TRA2B: variants seen among roughly 807,000 people sequenced by gnomAD.
TRA2B encodes transformer 2 beta homolog.
In TRA2B, 14 loss-of-function variants were observed where a neutral mutation model predicts 41.7. The observed-to-expected ratio is 0.34, with a 90% confidence interval of 0.22 to 0.53. The LOEUF (loss-of-function observed/expected upper bound fraction) is 0.53. Among genes scored for constraint, TRA2B ranks in the 20% least tolerant of loss-of-function variants. The pLI is 0.95. For missense variants in TRA2B, 167 were observed against 396.8 expected, an observed-to-expected ratio of 0.42 and a Z score of 4.92; for synonymous variants, 130 against 128.8, an observed-to-expected ratio of 1.01 and a Z score of -0.06.
chr3:185,926,637 C>G lies in TRA2B; in HGVS notation c.134G>C (p.Arg45Pro). 1.2e-6 allele frequency: 2 copies of G among 1,614,126 alleles called. No individual in the cohort carries two copies. Among genetic ancestry groups the G allele is most frequent in the Non-Finnish European group, 1.7e-6 (2 of 1,180,014 alleles). The change falls in exon 2 of 9, where the codon CGT becomes CCT. Residue 45 changes from arginine to proline, a missense_variant. Around this residue, in one of 5 missense-constraint regions of TRA2B, gnomAD observed 94 missense variants for 133.4 expected, o/e 0.70. Transcript: ENST00000453386. ...ARSRSKEDSR[R>P]SRSKSRSRSE... is the part of the protein sequence containing the mutation. ...TCGGGACCTGGACTTTGATCTGGAA[C>G]GCCTGGAATCTTCCTTGGAGCGAGA...
chr3:185,935,637 T>C, intron 1 of TRA2B: 2 of 985,310 alleles, frequency 2.0e-6, no homozygotes, highest in Non-Finnish European at 2.4e-6. Flanking sequence ...AAGCCTGGAG[T>C]TGAATAACAC....
chr3:185,936,742 T>C, intron 1 of TRA2B: 2 of 985,326 alleles, frequency 2.0e-6, no homozygotes, highest in Non-Finnish European at 2.4e-6. Context: ...ATGGTGCTTT[T>C]CTATCACCCT....
intron 1 of TRA2B, among the ~76,000 whole-genome samples, chr3:185,930,900 T>C (rs544811184): frequency 6.6e-5 from 10 of 152,338 alleles, no homozygotes; most frequent in African/African-American, 2.4e-4. Flanking sequence ...GACCCACCTC[T>C]TCTAAGGGGA....
intron 1 of TRA2B, chr3:185,936,076 T>C (rs980666033): frequency 4.1e-5 from 40 of 985,290 alleles, no homozygotes; most frequent in African/African-American, 5.2e-5. Flanking sequence ...ACGTAAAATA[T>C]ACTAATGAAC....
intron 1 of TRA2B, chr3:185,934,752 G>GA (rs1364773677): frequency 2.0e-6 from 2 of 985,296 alleles, no homozygotes; most frequent in Non-Finnish European, 2.4e-6. Flanking sequence ...AGATTCAGCA[G>GA]AAGATGAGAA....
chr3:185,921,050 G>A (rs1743715121), intron 6 of TRA2B, 54 bp downstream of exon 6: 1 of 1,463,318 alleles, frequency 6.8e-7, no homozygotes, highest in Non-Finnish European at 9.6e-7. Context: ...GCATAGTGCT[G>A]CTCTGTACAC....
intron 1 of TRA2B, chr3:185,937,534 GC>G (rs1310450047): frequency 1.3e-5 from 13 of 994,400 alleles, no homozygotes; most frequent in Non-Finnish European, 1.7e-5. Context: ...CCCCAACACC[GC>G]GGGGACGCAG....
intron 1 of TRA2B, chr3:185,935,689 C>T (rs1021742373): frequency 1.0e-6 from 1 of 985,324 alleles, no homozygotes; most frequent in East Asian, 1.1e-4. Flanking sequence ...ACACCACAGG[C>T]ATGTCTAAGA....
intron 1 of TRA2B, chr3:185,935,584 C>T (rs1433391077): frequency 1.0e-6 from 1 of 985,400 alleles, no homozygotes. Flanking sequence ...GAGAATTCCA[C>T]TGATTTGAAG....
chr3:185,931,302 A>G (rs1389764153), intron 1 of TRA2B, among the ~76,000 whole-genome samples: 1 of 152,214 alleles, frequency 6.6e-6, no homozygotes, highest in African/African-American at 2.4e-5. Context: ...CAGGACCAGC[A>G]ACATTAGACA....
chr3:185,917,975 T>C (rs1373847033), intron 8 of TRA2B, among the ~76,000 whole-genome samples: 1 of 152,198 alleles, frequency 6.6e-6, no homozygotes, highest in Non-Finnish European at 1.5e-5. Flanking sequence ...TCCATGTTTC[T>C]GTGCTGTCCA....
Position 185,934,488 on chromosome 3 carries a change from C to G in TRA2B, c.36+3337G>C, listed in dbSNP as rs1221289903. 45 of 985,252 alleles carry G rather than the reference C, an allele frequency of 4.6e-5. No individual in the cohort carries two copies. In the South Asian group the frequency reaches 7.0e-4, roughly 15 times the overall value. The allele number at this position is 985,252 out of a possible 1,614,324, so 61.0% of individuals were successfully genotyped here. On this transcript the variant is annotated intron_variant, in intron 1 of 8. Coordinates refer to ENST00000453386, the MANE Select transcript of TRA2B (RefSeq NM_004593.3). ...GTCACGTTCTAGTTCCAGACAATAT[C>G]CACAATATTAAAGCATTCTTGTTTA...
chr3:185,918,457 A>T lies in TRA2B; in HGVS notation c.783-19T>A. 1 of 1,580,578 alleles carries T rather than the reference A, an allele frequency of 6.3e-7. No individual in the cohort carries two copies. The highest frequency in any genetic ancestry group is 8.7e-7 in the Non-Finnish European group (1 of 1,150,068). On this transcript the variant is annotated intron_variant, in intron 7 of 8. Coordinates refer to ENST00000453386, the MANE Select transcript of TRA2B (RefSeq NM_004593.3). ...CCGCCTTCTATAAACAAATGTCAAG[A>T]TTGTCTAAGTCTCAATAGATCACAA... is the stretch of plus-strand genomic sequence containing the variant.
intron 6 of TRA2B, among the ~76,000 whole-genome samples, 164 bp from the exon 7 acceptor site, chr3:185,919,660 T>C (rs924977020): frequency 6.6e-6 from 1 of 152,210 alleles, no homozygotes; most frequent in Non-Finnish European, 1.5e-5. Context: ...GGGTTCTCTC[T>C]GGTGGCTGAA....
chr3:185,937,053 C>A (rs1268352073), intron 1 of TRA2B: 1 of 985,286 alleles, frequency 1.0e-6, no homozygotes, highest in African/African-American at 1.7e-5. Context: ...CGTGGAAATG[C>A]GATGTCCACA....
intron 7 of TRA2B, among the ~76,000 whole-genome samples, chr3:185,918,654 G>T (rs1286347063): frequency 6.6e-6 from 1 of 152,176 alleles, no homozygotes; most frequent in Non-Finnish European, 1.5e-5. Context: ...AATAATCCTT[G>T]CTATATTTTA....
intron 1 of TRA2B, chr3:185,927,649 A>T (rs1402246839): frequency 6.6e-6 from 1 of 152,240 alleles, no homozygotes; most frequent in African/African-American, 2.4e-5. Flanking sequence ...TAGCTTTCCC[A>T]ACCAAAACTG....
chr3:185,921,083 CCTTT>C lies in TRA2B; in HGVS notation c.722+17_722+20del, dbSNP rs1370452550. ...CACTGTACTGAGATTCAGACGTTGA[CCTTT>C]CTACCTCATAACTTACCTGTATGAT... On this transcript the variant is annotated intron_variant, in intron 6 of 8. Transcript: ENST00000453386. 13 of 1,607,122 alleles carry C rather than the reference CCTTT, an allele frequency of 8.1e-6. No homozygotes were observed. Among genetic ancestry groups the C allele is most frequent in the Middle Eastern group, 1.6e-4 (1 of 6,070 alleles).
intron 7 of TRA2B, among the ~76,000 whole-genome samples, chr3:185,919,213 T>C (rs1743621018): frequency 6.6e-6 from 1 of 152,160 alleles, no homozygotes; most frequent in Non-Finnish European, 1.5e-5. Flanking sequence ...CTGTACCTCA[T>C]CACGGTATAA....
Sources: gnomAD v4.1 joint callset for allele counts (sites outside exome capture counted in the v4.1 genomes callset) on GRCh38, gnomAD v4.1.1 for gene constraint, gnomAD v4.1.1 regional missense constraint, MANE v1.5 for transcripts, NCBI Gene and HGNC (gene_info 2026-07-23, HGNC 2026-07-21) for gene names.